Variants in ZNF433 observed in about 807,000 individuals in gnomAD.
The protein encoded by ZNF433 is zinc finger protein 433.
In ZNF433, 12 loss-of-function variants were observed where a neutral mutation model predicts 10.6. The observed-to-expected ratio is 1.13, with a 90% CI of 0.72 to 1.83. ZNF433 has a LOEUF of 1.83. Ranked by LOEUF, ZNF433 falls within the 40% of genes most tolerant of loss-of-function variation. The pLI, the probability that ZNF433 is intolerant of heterozygous loss-of-function variation, is 0.00. For synonymous variants in ZNF433, 272 were observed against 271.3 expected (o/e 1.00, Z -0.02); for missense variants, 737 against 798.0 (o/e 0.92, Z 0.92).
chr19:12,020,608 G>A (rs1974438767), intron 1 of ZNF433, among the ~76,000 whole-genome samples: 2 of 152,064 alleles, frequency 1.3e-5, no homozygotes, highest in Non-Finnish European at 2.9e-5. Context: ...GAAATTTAGG[G>A]ATTTATTGTC....
At chr19:12,031,240 G>C (rs188532859) in intron 1 of ZNF433, among the ~76,000 whole-genome samples, 1 of 147,122 alleles carries the variant, frequency 6.8e-6, no homozygotes, top group Non-Finnish European at 1.5e-5. Context: ...AGGTTGCAGT[G>C]AGCAGAGATT....
At chr19:12,025,228 AT>A (rs1304211041) in intron 1 of ZNF433, 1 of 152,148 alleles carries the variant, frequency 6.6e-6, no homozygotes, top group Non-Finnish European at 1.5e-5. Flanking sequence ...GTGATTTCTG[AT>A]TCTTTGTATG....
chr19:12,032,863 C>T (rs1975098819), intron 1 of ZNF433, among the ~76,000 whole-genome samples: 1 of 152,020 alleles, frequency 6.6e-6, no homozygotes, highest in African/African-American at 2.4e-5. Context: ...ATGCAAATTA[C>T]AATTAATAAA....
rs944040962 is a variant in ZNF433 at position 12,018,236 on chromosome 19, C to G, written c.60G>C (p.Leu20Phe). 1 of 1,612,954 alleles carries G rather than the reference C, an allele frequency of 6.2e-7. No homozygotes were observed. Among genetic ancestry groups the G allele is most frequent in the African/African-American group, 1.3e-5 (1 of 74,816 alleles). ...AVTFTQEEWA[L>F]LDPSQKNLCR... is the part of the protein sequence containing the mutation. ...AGAGATTTTTCTGGGAAGGATCCAG[C>G]AAAGCCCACTCCTCTTGGGTGAAGG... is the stretch of plus-strand genomic sequence containing the variant. The change falls in exon 2 of 4, where the codon TTG becomes TTC. Residue 20 changes from leucine to phenylalanine, a missense_variant. Transcript: ENST00000550507.
intron 1 of ZNF433, among the ~76,000 whole-genome samples, chr19:12,032,688 T>G (rs2145490306): frequency 6.6e-6 from 1 of 152,230 alleles, no homozygotes; most frequent in Admixed American, 6.5e-5. Flanking sequence ...TTCATCATGT[T>G]GGCCAGGTTG....
rs928076013 is a variant in ZNF433, at chr19:12,017,729, T to A, written c.191+147A>T. 4.0e-5 allele frequency: 25 copies of A among 625,460 alleles called. No individual in the cohort carries two copies. In the African/African-American group the frequency reaches 4.2e-4, roughly 10 times the overall value. The allele number at this position is 625,460 out of a possible 1,614,324, so 38.7% of individuals were successfully genotyped here. ...CCATTGTGTCAAGCCTACATCACACTTCAATATGTGTTTAGAGAAAATTTT... is the reference window on the plus strand; with the variant it reads ...CCATTGTGTCAAGCCTACATCACACATCAATATGTGTTTAGAGAAAATTTT... On this transcript the variant is annotated intron_variant, in intron 3 of 3. Transcript: ENST00000550507.
At chr19:12,017,087 C>T (rs1363072668) in intron 3 of ZNF433, among the ~76,000 whole-genome samples, 1 of 152,050 alleles carries the variant, frequency 6.6e-6, no homozygotes, top group Non-Finnish European at 1.5e-5. Context: ...AGGCTTTCTG[C>T]CCTGTCTGAA....
chr19:12,021,815 C>T, intron 1 of ZNF433: 2 of 371,074 alleles, frequency 5.4e-6, no homozygotes, highest in Non-Finnish European at 5.7e-6. Context: ...AAAACCAAAA[C>T]ACCAGGTCAG....
At chr19:12,026,969 CAT>C in intron 1 of ZNF433, 2 of 454,130 alleles carry the variant, frequency 4.4e-6, no homozygotes, top group Non-Finnish European at 8.8e-6. Context: ...AGGAGCTAAA[CAT>C]AAGGATTTGT....
At chr19:12,025,563 A>G (rs1440435190) in intron 1 of ZNF433, 1 of 152,248 alleles carries the variant, frequency 6.6e-6, no homozygotes, top group Admixed American at 6.5e-5. Context: ...AACTTGCCAA[A>G]TGGTGCATTC....
At position 12,022,621 on chromosome 19, in the gene ZNF433, G is replaced by A. The variant is rs186541185; in HGVS notation, c.4-4329C>T. On this transcript the variant is annotated intron_variant, in intron 1 of 3. Coordinates refer to ENST00000550507, the MANE Select transcript of ZNF433 (RefSeq NM_001308348.2). The stretch of plus-strand genomic sequence containing the variant: ...ACCCGAGTACTCTAAAGCAATGCCC[G>A]TGGTAAGAAGGGGAGCTTGGAAGCA... Among the ~76,000 whole-genome samples the A allele has an allele frequency of 2.2e-3, 336 of 152,314 alleles. 2 individuals are homozygous for A. The highest frequency in any genetic ancestry group is 6.9e-3 in the African/African-American group (286 of 41,578).
chr19:12,017,504 C>G (rs1028284680), intron 3 of ZNF433, among the ~76,000 whole-genome samples: 3 of 152,076 alleles, frequency 2.0e-5, no homozygotes, highest in African/African-American at 7.2e-5. Context: ...CGCCTGGCGT[C>G]TCTGAGTACT....
In ZNF433 at chr19:12,014,952, TC is replaced by T. The variant is rs759877491; in HGVS notation, c.1905del (p.Thr636LeufsTer32). The T allele has an allele frequency of 1.2e-6, 2 of 1,613,880 alleles. No homozygotes were observed. Among genetic ancestry groups the T allele is most frequent in the African/African-American group, 1.3e-5 (1 of 74,890 alleles). The part of the protein sequence containing the change: ...GCPSNLRRHG[R>X]THTGEKPYKC... The stretch of plus-strand genomic sequence containing the variant: ...TTATAGGGTTTCTCTCCAGTGTGAG[TC>T]CTTCCATGCCTTCGAAGGTTTGAGG... On this transcript the variant is annotated frameshift_variant, in exon 4 of 4. Transcript: ENST00000550507. LOFTEE classifies it low-confidence loss of function (END_TRUNC).
At position 12,016,376 on chromosome 19, in the gene ZNF433, T is replaced by G; in HGVS notation, c.482A>C (p.His161Pro). The G allele has an allele frequency of 6.2e-7, 1 of 1,614,212 alleles. No individual in the cohort carries two copies. Among genetic ancestry groups the G allele is most frequent in the South Asian group, 1.1e-5 (1 of 91,078 alleles). The change falls in exon 4 of 4, where the codon CAT becomes CCT. Residue 161 changes from histidine to proline, a missense_variant. By Grantham distance (77) the His-to-Pro change is moderately conservative (BLOSUM62 -2). Coordinates refer to ENST00000550507, the MANE Select transcript of ZNF433 (RefSeq NM_001308348.2). ...ACAAACATAGAGTTTCCTTCCACTA[T>G]GAGCCCTTTCATGTGTCTGAACAGA... is the stretch of plus-strand genomic sequence containing the variant. Reference protein sequence around the residue: ...LSSVQTHERAHSGRKLYVCEE... With the variant: ...LSSVQTHERAPSGRKLYVCEE...
Position 12,029,803 on chromosome 19 carries a change from C to T in ZNF433, c.3+5734G>A, listed in dbSNP as rs114084197. Among the ~76,000 whole-genome samples, 414 of 151,502 alleles carry T rather than the reference C, an allele frequency of 2.7e-3. 4 individuals are homozygous for T. The highest frequency in any genetic ancestry group is 9.8e-3 in the African/African-American group (405 of 41,322). ...GTGAAAAAATAAAAAAATAGCTGGC[C>T]GGGCGCGGTGGCTCACACATGTAAT... On this transcript the variant is annotated intron_variant, in intron 1 of 3. Coordinates refer to ENST00000550507, the MANE Select transcript of ZNF433 (RefSeq NM_001308348.2).
At position 12,015,512 on chromosome 19, in the gene ZNF433, C is replaced by T. The variant is rs372609009; in HGVS notation, c.1346G>A (p.Cys449Tyr). 1.2e-5 allele frequency: 19 copies of T among 1,613,920 alleles called. No homozygotes were observed. The highest frequency in any genetic ancestry group is 1.6e-5 in the Non-Finnish European group (19 of 1,180,032). The change falls in exon 4 of 4, where the codon TGT (cysteine) becomes TAT (tyrosine). Residue 449 changes from cysteine (C) to tyrosine (Y), a missense_variant. Coordinates refer to ENST00000550507, the MANE Select transcript of ZNF433 (RefSeq NM_001308348.2). ...ACTAAATGGTTTTCCACATTCCTTACATGCATAGGGTTTCTCTCCCGTGTG... is the reference window on the plus strand; with the variant it reads ...ACTAAATGGTTTTCCACATTCCTTATATGCATAGGGTTTCTCTCCCGTGTG... Reference protein sequence around the residue: ...RTHTGEKPYACKECGKPFSNF... With the variant: ...RTHTGEKPYAYKECGKPFSNF...
At chr19:12,022,328 GA>G in intron 1 of ZNF433, 1 of 243,278 alleles carries the variant, frequency 4.1e-6, no homozygotes, top group South Asian at 4.9e-5. Flanking sequence ...ATAATCTACA[GA>G]AACAATGCTT....
chr19:12,035,583 C>A lies in ZNF433; in HGVS notation c.-44G>T. ...CTCCCACGACCAGTGCGGGTCACAG[C>A]ACAGGCGACAGAAGCTATGGCAGAG... is the stretch of plus-strand genomic sequence containing the variant. On this transcript the variant is annotated 5_prime_UTR_variant, in exon 1 of 4. Transcript: ENST00000550507. The A allele has an allele frequency of 6.4e-7, 1 of 1,559,476 alleles. No individual in the cohort carries two copies.
rs757352975 is a variant in ZNF433 at position 12,015,000 on chromosome 19, A to G, written c.1858T>C (p.Cys620Arg). The change falls in exon 4 of 4, where the codon TGT becomes CGT. Residue 620 changes from cysteine to arginine, a missense_variant. Physicochemically the swap from Cys to Arg is radical, Grantham distance 180. Coordinates refer to ENST00000550507, the MANE Select transcript of ZNF433 (RefSeq NM_001308348.2). ...TGEKPYKCKQ[C>R]GKAFGCPSNL... is the part of the protein sequence containing the mutation. Reference sequence around the variant, plus strand: ...GAGGGACATCCAAAAGCTTTCCCACATTGCTTACATTTATACGGTTTCTCT... The same window carrying G: ...GAGGGACATCCAAAAGCTTTCCCACGTTGCTTACATTTATACGGTTTCTCT... 5.0e-6 allele frequency: 8 copies of G among 1,613,844 alleles called. No individual in the cohort carries two copies. Among genetic ancestry groups the G allele is most frequent in the South Asian group, 4.4e-5 (4 of 91,066 alleles).
Sources: gnomAD v4.1 joint callset for allele counts (sites outside exome capture counted in the v4.1 genomes callset) on GRCh38, gnomAD v4.1.1 for gene constraint, MANE v1.5 for transcripts, NCBI Gene and HGNC (gene_info 2026-07-23, HGNC 2026-07-21) for gene names.